MS4A8: variants seen among roughly 807,000 people sequenced by gnomAD.
MS4A8 encodes membrane spanning 4-domains A8.
Under a neutral mutation model 23.7 loss-of-function variants are expected in MS4A8, and 27 were observed. That is an observed-to-expected ratio of 1.14 (90% CI 0.84 to 1.57). The LOEUF is 1.57. MS4A8 is among the 40% of genes most tolerant of loss of function. The pLI is 0.00. For missense variants in MS4A8, 301 were observed against 311.4 expected, an observed-to-expected ratio of 0.97 and a Z score of 0.25; for synonymous variants, 138 against 126.3, an observed-to-expected ratio of 1.09 and a Z score of -0.62.
intron 2 of MS4A8, 80 bp downstream of exon 2, chr11:60,701,159 A>G (rs1216253066): frequency 1.5e-6 from 2 of 1,312,996 alleles, no homozygotes; most frequent in South Asian, 1.2e-5. Context: ...TGGGAAATAC[A>G]CAAACACTAC....
At chr11:60,699,956 C>A (rs1352911858) in intron 1 of MS4A8, among the ~76,000 whole-genome samples, 181 bp downstream of exon 1, 2 of 151,922 alleles carry the variant, frequency 1.3e-5, no homozygotes, top group Non-Finnish European at 1.5e-5. Context: ...ATGGGAGAAA[C>A]AAAAAGAAAA....
chr11:60,702,563 G>A (rs574705518), intron 2 of MS4A8, among the ~76,000 whole-genome samples: 6 of 152,256 alleles, frequency 3.9e-5, no homozygotes, highest in South Asian at 4.1e-4. Flanking sequence ...CCATCATGCC[G>A]AGCTAGTTTT....
intron 2 of MS4A8, among the ~76,000 whole-genome samples, chr11:60,702,669 G>A (rs1477947763): frequency 6.6e-6 from 1 of 152,204 alleles, no homozygotes; most frequent in Non-Finnish European, 1.5e-5. Context: ...AAAGTGCTGA[G>A]ATTACAGGTG....
intron 5 of MS4A8, among the ~76,000 whole-genome samples, chr11:60,714,206 G>A (rs890640791): frequency 6.7e-6 from 1 of 149,106 alleles, no homozygotes; most frequent in East Asian, 1.9e-4. Flanking sequence ...TTACAGGCGT[G>A]AGCCACCGCG....
chr11:60,713,060 G>T (rs1409418999), intron 5 of MS4A8, among the ~76,000 whole-genome samples: 1 of 152,012 alleles, frequency 6.6e-6, no homozygotes, highest in Non-Finnish European at 1.5e-5. Context: ...CTTCATTTTG[G>T]GGATCCTTTC....
rs375232214 is a variant in MS4A8 at position 60,701,024 on chromosome 11, C to T, written c.164C>T (p.Ser55Leu). The T allele has an allele frequency of 7.4e-6, 12 of 1,614,030 alleles. No individual in the cohort carries two copies. The highest frequency in any genetic ancestry group is 5.3e-5 in the African/African-American group (4 of 74,970). The change falls in exon 2 of 7, where the codon TCG (serine) becomes TTG (leucine). Residue 55 changes from serine (S) to leucine (L), a missense_variant. Coordinates refer to ENST00000300226, the MANE Select transcript of MS4A8 (RefSeq NM_031457.2). ...CCTGGGAACCCACCTAGTTTGGTGT[C>T]GAATGTGAATGGGCAGCCTGTGCAG... ...LVPGNPPSLVSNVNGQPVQKA... is the reference protein window; with the variant it reads ...LVPGNPPSLVLNVNGQPVQKA...
At chr11:60,706,665 C>T (rs527973798) in intron 3 of MS4A8, among the ~76,000 whole-genome samples, 11 of 152,276 alleles carry the variant, frequency 7.2e-5, no homozygotes, top group African/African-American at 2.6e-4. Context: ...CATAAGTTGT[C>T]TCATGACAAT....
chr11:60,700,776 C>A, intron 1 of MS4A8, 84 bp from the exon 2 acceptor site: 1 of 1,340,384 alleles, frequency 7.5e-7, no homozygotes, highest in Non-Finnish European at 1.1e-6. Context: ...TAAGATGCTC[C>A]AATGAGCTAG....
chr11:60,709,043 A>G (rs896205414), intron 5 of MS4A8: 12 of 395,916 alleles, frequency 3.0e-5, no homozygotes, highest in Admixed American at 3.9e-5. Context: ...CAAAGAATGC[A>G]TATGTGCCCA....
At chr11:60,701,984 A>C (rs2088209068) in intron 2 of MS4A8, among the ~76,000 whole-genome samples, 1 of 152,204 alleles carries the variant, frequency 6.6e-6, no homozygotes, top group African/African-American at 2.4e-5. Flanking sequence ...GGAAGAAAGT[A>C]AGGGGCAGAC....
At position 60,708,583 on chromosome 11, in the gene MS4A8, T is replaced by G; in HGVS notation, c.403-67T>G. On this transcript the variant is annotated intron_variant, in intron 4 of 6. Coordinates refer to ENST00000300226, the MANE Select transcript of MS4A8 (RefSeq NM_031457.2). Reference sequence around the variant, plus strand: ...ATTGGGGGGAAAAAGAAACACTTGTTGGGTCTCCATTCATCTCAGCTATAA... The same window carrying G: ...ATTGGGGGGAAAAAGAAACACTTGTGGGGTCTCCATTCATCTCAGCTATAA... 2.1e-6 allele frequency: 3 copies of G among 1,444,804 alleles called. No homozygotes were observed. In the South Asian group the frequency reaches 5.0e-5, roughly 24 times the overall value. The allele number at this position is 1,444,804 out of a possible 1,614,324, so 89.5% of individuals were successfully genotyped here.
chr11:60,713,209 C>T (rs193242773), intron 5 of MS4A8, among the ~76,000 whole-genome samples: 9 of 152,228 alleles, frequency 5.9e-5, no homozygotes, highest in Admixed American at 5.2e-4. Flanking sequence ...TGCCCCTTCA[C>T]ACCTGTGGGT....
chr11:60,703,279 C>T (rs2088221508), intron 2 of MS4A8, 99 bp from the exon 3 acceptor site: 2 of 1,321,152 alleles, frequency 1.5e-6, no homozygotes, highest in Admixed American at 3.4e-5. Flanking sequence ...ACTTTTTAGA[C>T]CATGAAAATA....
chr11:60,708,884 T>C (rs1237375071), intron 5 of MS4A8, 103 bp downstream of exon 5: 5 of 1,422,472 alleles, frequency 3.5e-6, no homozygotes, highest in Non-Finnish European at 4.0e-6. Context: ...CTGAACATGG[T>C]AGGAAAAGGA....
chr11:60,708,128 G>A (rs184945648), intron 4 of MS4A8, among the ~76,000 whole-genome samples: 5 of 152,242 alleles, frequency 3.3e-5, no homozygotes, highest in African/African-American at 1.2e-4. Flanking sequence ...GATTACAGAT[G>A]TGAGCATCCG....
chr11:60,713,443 G>T (rs987095210), intron 5 of MS4A8, among the ~76,000 whole-genome samples: 10 of 152,110 alleles, frequency 6.6e-5, no homozygotes, highest in Non-Finnish European at 1.5e-4. Context: ...AAATGTCTCT[G>T]CATCATAAAC....
At chr11:60,707,812 CTTT>C (rs5792195) in intron 4 of MS4A8, among the ~76,000 whole-genome samples, 3,394 of 55,720 alleles carry the variant, frequency 0.061, 245 homozygotes, top group African/African-American at 0.19. Context: ...TTTTCTTTTT[CTTT>C]TTTTTTTTTT....
intron 2 of MS4A8, 59 bp from the exon 3 acceptor site, chr11:60,703,319 A>G: frequency 6.8e-7 from 1 of 1,465,414 alleles, no homozygotes; most frequent in Non-Finnish European, 9.0e-7. Flanking sequence ...AAGGAGGCTC[A>G]TAGGGGAGGC....
intron 5 of MS4A8, chr11:60,708,998 T>C: frequency 2.0e-6 from 1 of 504,944 alleles, no homozygotes; most frequent in Non-Finnish European, 3.6e-6. Flanking sequence ...AATACCTACC[T>C]TGTGGCAATG....
Sources: gnomAD v4.1 joint callset for allele counts (sites outside exome capture counted in the v4.1 genomes callset) on GRCh38, gnomAD v4.1.1 for gene constraint, MANE v1.5 for transcripts, NCBI Gene and HGNC (gene_info 2026-07-23, HGNC 2026-07-21) for gene names.